Variants in TRABD2A observed in about 807,000 individuals in gnomAD.
TRABD2A encodes the protein TraB domain containing 2A.
A neutral mutation model predicts 45.6 loss-of-function variants in TRABD2A; 43 were observed. That is an observed-to-expected ratio of 0.94 (90% CI 0.74 to 1.22). TRABD2A has a LOEUF of 1.22. TRABD2A is among the 50% of genes most tolerant of loss of function. The probability of loss-of-function intolerance (pLI) is 0.00; values close to 1 mark genes in which losing one functional copy is unlikely to be tolerated. For missense variants in TRABD2A, 642 were observed against 652.4 expected (o/e 0.98, Z 0.17); for synonymous variants, 269 against 265.0 (o/e 1.02, Z -0.15).
At chr2:84,825,838 C>T (rs114523969) in intron 5 of TRABD2A, among the ~76,000 whole-genome samples, 2 of 152,120 alleles carry the variant, frequency 1.3e-5, no homozygotes, top group Non-Finnish European at 2.9e-5. Context: ...CTCATAGGAT[C>T]GCAAACCCTG....
At chr2:84,834,674 G>A (rs916305515) in intron 4 of TRABD2A, 19 of 152,218 alleles carry the variant, frequency 1.2e-4, no homozygotes, top group African/African-American at 4.6e-4. Context: ...TTTTCACTTA[G>A]CATAATGTTT....
At chr2:84,866,212 C>A (rs902154343) in intron 2 of TRABD2A, among the ~76,000 whole-genome samples, 1 of 152,222 alleles carries the variant, frequency 6.6e-6, no homozygotes, top group African/African-American at 2.4e-5. Flanking sequence ...TGCGGCCAAA[C>A]TGGAAAGACA....
chr2:84,880,808 A>C, intron 1 of TRABD2A, 124 bp downstream of exon 1: 1 of 1,384,350 alleles, frequency 7.2e-7, no homozygotes, highest in Non-Finnish European at 9.8e-7. Context: ...CCGCGGTGCT[A>C]GGTGAAAGCC....
chr2:84,871,375 A>G (rs1220778487), intron 1 of TRABD2A, among the ~76,000 whole-genome samples: 2 of 152,086 alleles, frequency 1.3e-5, no homozygotes, highest in East Asian at 3.9e-4. Flanking sequence ...AGAGGCTTCA[A>G]CTCTAGCTAT....
chr2:84,868,509 C>CTAGT (rs1682760704), intron 2 of TRABD2A, among the ~76,000 whole-genome samples: 1 of 148,398 alleles, frequency 6.7e-6, no homozygotes, highest in African/African-American at 2.6e-5. Flanking sequence ...AACTAATTAA[C>CTAGT]TAATTAGTTA....
intron 5 of TRABD2A, among the ~76,000 whole-genome samples, chr2:84,827,717 G>A (rs995731688): frequency 6.6e-6 from 1 of 152,186 alleles, no homozygotes; most frequent in African/African-American, 2.4e-5. Context: ...TTATCCAGGG[G>A]TGCCCAATCC....
Position 84,852,158 on chromosome 2 carries a change from G to T in TRABD2A, c.670-10151C>A, listed in dbSNP as rs534078741. On this transcript the variant is annotated intron_variant, in intron 2 of 6. Transcript: ENST00000409520. ...ACAAACTCTATTCATGGAACAGCCAGTATAGCTACCCCAGCACATACTCTT... is the reference window on the plus strand; with the variant it reads ...ACAAACTCTATTCATGGAACAGCCATTATAGCTACCCCAGCACATACTCTT... 8.5e-5 allele frequency among the ~76,000 whole-genome samples: 13 copies of T among 152,290 alleles called. No homozygotes were observed. In the South Asian group the frequency reaches 2.5e-3, roughly 29 times the overall value.
chr2:84,839,055 T>C, intron 4 of TRABD2A, 94 bp downstream of exon 4: 1 of 1,433,428 alleles, frequency 7.0e-7, no homozygotes, highest in Non-Finnish European at 9.5e-7. Context: ...GCTTCATGAC[T>C]AACACAGGCC....
chr2:84,853,827 C>T (rs548429783), intron 2 of TRABD2A, among the ~76,000 whole-genome samples: 14 of 152,290 alleles, frequency 9.2e-5, no homozygotes, highest in Admixed American at 3.3e-4. Context: ...CGAGACCAGC[C>T]TGGCCAATAT....
At chr2:84,840,398 A>G (rs1396512205) in intron 3 of TRABD2A, among the ~76,000 whole-genome samples, 2 of 152,072 alleles carry the variant, frequency 1.3e-5, no homozygotes, top group Non-Finnish European at 2.9e-5. Context: ...TCAGATACAC[A>G]GGGTGACCTC....
At chr2:84,836,303 T>C (rs1163362752) in intron 4 of TRABD2A, 1 of 152,238 alleles carries the variant, frequency 6.6e-6, no homozygotes, top group Admixed American at 6.5e-5. Context: ...TTCTCCTTCG[T>C]TTTTGATTTT....
intron 1 of TRABD2A, 145 bp from the exon 2 acceptor site, chr2:84,870,930 C>G (rs1289125635): frequency 5.0e-6 from 4 of 807,926 alleles, no homozygotes; most frequent in Middle Eastern, 3.3e-4. Flanking sequence ...GATTCACCTG[C>G]CAGGACAATC....
rs1681006994 is a variant in TRABD2A at position 84,821,797 on chromosome 2, C to T, written c.*120G>A. 10 of 1,127,248 alleles carry T rather than the reference C, an allele frequency of 8.9e-6. No homozygotes were observed. Among genetic ancestry groups the T allele is most frequent in the Non-Finnish European group, 1.2e-5 (10 of 852,192 alleles). The allele number at this position is 1,127,248 out of a possible 1,614,324, so 69.8% of individuals were successfully genotyped here. On this transcript the variant is annotated 3_prime_UTR_variant, in exon 7 of 7. Transcript: ENST00000409520. ...AAAGAGAAGAATCAACACTGGGCCG[C>T]TTTTTCAAGAGCAGTCTCTTCTGGA...
At chr2:84,832,484 G>C (rs1681371876) in intron 4 of TRABD2A, 1 of 267,868 alleles carries the variant, frequency 3.7e-6, no homozygotes, top group Admixed American at 4.5e-5. Context: ...CCTGAAAGGT[G>C]AGGACACTGG....
intron 2 of TRABD2A, among the ~76,000 whole-genome samples, chr2:84,844,964 C>T (rs2105384717): frequency 6.6e-6 from 1 of 152,312 alleles, no homozygotes; most frequent in South Asian, 2.1e-4. Context: ...TTAAGGTTTT[C>T]TTGGTATTTG....
Position 84,830,817 on chromosome 2 carries a change from G to A in TRABD2A, c.1082+1238C>T, listed in dbSNP as rs976047113. Among the ~76,000 whole-genome samples the A allele has an allele frequency of 4.6e-5, 7 of 152,188 alleles. No individual in the cohort carries two copies. Among genetic ancestry groups the A allele is most frequent in the African/African-American group, 7.2e-5 (3 of 41,444 alleles). ...GGGTGAGGGGGAACAGGGAGACAAG[G>A]TGCAGTGAAGGGGGGCCTTCTGAGG... On this transcript the variant is annotated intron_variant, in intron 5 of 6. Coordinates refer to ENST00000409520, the MANE Select transcript of TRABD2A (RefSeq NM_001277053.2). This position sits in a 1 kb window ranked among gnomAD's most constrained non-coding sequence, Gnocchi z 4.9.
At chr2:84,854,665 C>CCT (rs1682213303) in intron 2 of TRABD2A, among the ~76,000 whole-genome samples, 1 of 152,164 alleles carries the variant, frequency 6.6e-6, no homozygotes, top group African/African-American at 2.4e-5. Context: ...CTAAAGCCAA[C>CCT]CTCTCCTCAG....
chr2:84,835,798 A>G (rs897680943), intron 4 of TRABD2A: 2 of 152,120 alleles, frequency 1.3e-5, no homozygotes, highest in Non-Finnish European at 2.9e-5. Flanking sequence ...AGGGCAAAAA[A>G]ATAGCCTACA....
chr2:84,877,290 C>A (rs540013954), intron 1 of TRABD2A, among the ~76,000 whole-genome samples: 1 of 150,972 alleles, frequency 6.6e-6, no homozygotes, highest in East Asian at 1.9e-4. Flanking sequence ...GGCTATTTAT[C>A]TCTACAAAAA....
Sources: gnomAD v4.1 joint callset for allele counts (sites outside exome capture counted in the v4.1 genomes callset) on GRCh38, gnomAD v4.1.1 for gene constraint, Gnocchi (gnomAD v3.1) non-coding constraint, MANE v1.5 for transcripts, NCBI Gene and HGNC (gene_info 2026-07-23, HGNC 2026-07-21) for gene names.